The following IFRD1 variants were observed in gnomAD, a reference collection of about 807,000 sequenced individuals.
IFRD1 encodes interferon related developmental regulator 1.
In IFRD1, 35 loss-of-function variants were observed where a neutral mutation model predicts 52.9. The ratio of observed to expected loss-of-function variants is 0.66; its 90% CI spans 0.51 to 0.88. IFRD1 has a LOEUF of 0.88. Ranked by LOEUF, IFRD1 falls within the 40% of genes least tolerant of loss-of-function variation. The pLI, the probability that IFRD1 is intolerant of heterozygous loss-of-function variation, is 0.00. For synonymous variants in IFRD1, 184 were observed against 188.4 expected (o/e 0.98, Z 0.19); for missense variants, 517 against 550.8 (o/e 0.94, Z 0.61).
chr7:112,456,218 A>G, intron 3 of IFRD1, 132 bp downstream of exon 3: 1 of 712,194 alleles, frequency 1.4e-6, no homozygotes. Context: ...CTCTCAGATA[A>G]TAGCAATATA....
chr7:112,475,194 G>A (rs377177355), intron 11 of IFRD1, among the ~76,000 whole-genome samples: 3 of 152,098 alleles, frequency 2.0e-5, no homozygotes, highest in Admixed American at 6.5e-5. Context: ...TCCTGACCTC[G>A]TGATTCGCCC....
chr7:112,462,716 C>T (rs960180692), intron 8 of IFRD1, among the ~76,000 whole-genome samples: 6 of 152,234 alleles, frequency 3.9e-5, no homozygotes, highest in East Asian at 3.9e-4. Context: ...CTAATGAAGG[C>T]ATGTGATGCT....
chr7:112,474,942 A>G (rs897867961), intron 11 of IFRD1, among the ~76,000 whole-genome samples: 1 of 151,030 alleles, frequency 6.6e-6, no homozygotes, highest in African/African-American at 2.4e-5. Context: ...CTTAATATGG[A>G]ATAGCCATTA....
At chr7:112,451,870 T>G (rs1795175035) in intron 1 of IFRD1, among the ~76,000 whole-genome samples, 1 of 152,198 alleles carries the variant, frequency 6.6e-6, no homozygotes, top group Admixed American at 6.5e-5. Flanking sequence ...CTGCCACGGC[T>G]GCCACTCAGA....
At chr7:112,432,994 C>A (rs1451300198) in intron 1 of IFRD1, among the ~76,000 whole-genome samples, 1 of 152,134 alleles carries the variant, frequency 6.6e-6, no homozygotes, top group Admixed American at 6.5e-5. Flanking sequence ...CCATTATATA[C>A]AATTTATTGA....
intron 1 of IFRD1, among the ~76,000 whole-genome samples, chr7:112,429,447 G>C (rs1196213770): frequency 6.6e-6 from 1 of 152,128 alleles, no homozygotes; most frequent in Non-Finnish European, 1.5e-5. Context: ...CCAATATTTG[G>C]AACACAGCAT....
chr7:112,452,108 TA>T, intron 1 of IFRD1: 2 of 983,580 alleles, frequency 2.0e-6, no homozygotes, highest in Non-Finnish European at 2.4e-6. Context: ...AGATGTAAAA[TA>T]TGTAATTTAT....
chr7:112,444,385 A>T (rs1418797571), intron 1 of IFRD1, among the ~76,000 whole-genome samples: 1 of 152,254 alleles, frequency 6.6e-6, no homozygotes, highest in African/African-American at 2.4e-5. Flanking sequence ...AGTTCTAACT[A>T]AATTTGCCCG....
At chr7:112,452,008 G>A (rs145523733) in intron 1 of IFRD1, 10,135 of 982,880 alleles carry the variant, frequency 0.01, 62 homozygotes, top group Non-Finnish European at 0.012. Context: ...TGACCATAGG[G>A]AGGGATTCTT....
chr7:112,469,081 C>T (rs1202022280), intron 9 of IFRD1, among the ~76,000 whole-genome samples: 1 of 151,982 alleles, frequency 6.6e-6, no homozygotes, highest in Non-Finnish European at 1.5e-5. Flanking sequence ...TTTGGTAGGC[C>T]AGGTAAATAT....
chr7:112,463,778 G>C (rs891196462), intron 8 of IFRD1, among the ~76,000 whole-genome samples: 42 of 148,248 alleles, frequency 2.8e-4, no homozygotes, highest in African/African-American at 8.7e-4. Flanking sequence ...TGTTGAATTT[G>C]TTTAAGTTTG....
At chr7:112,446,226 G>T (rs1795028510), upstream of IFRD1, 2 of 196,442 alleles carry the variant, frequency 1.0e-5, no homozygotes, top group East Asian at 1.3e-4. Flanking sequence ...TGTCAAAGTG[G>T]CTGGCCATAA....
chr7:112,439,120 T>C lies in IFRD1; in HGVS notation c.-181-11388T>C, dbSNP rs369846839. ...CCCAAAAAGCAGTCATACACAATAA[T>C]AGTGGGCATAGAAGGAAGGAAATTC... On this transcript the variant is annotated intron_variant, in intron 1 of 12. Coordinates refer to the IFRD1 transcript ENST00000005558. Among the ~76,000 whole-genome samples the C allele has an allele frequency of 1.2e-4, 19 of 152,222 alleles. No homozygotes were observed. The East Asian group carries it at 1.4e-3, about 11-fold the overall frequency.
chr7:112,464,166 A>C (rs1030634851), intron 8 of IFRD1, among the ~76,000 whole-genome samples: 2 of 151,904 alleles, frequency 1.3e-5, no homozygotes, highest in African/African-American at 4.8e-5. Context: ...GGGTTCATAC[A>C]GCAAATGAGT....
upstream of IFRD1, among the ~76,000 whole-genome samples, chr7:112,445,871 C>T (rs76628046): frequency 0.032 from 4,816 of 151,694 alleles, 241 homozygotes; most frequent in African/African-American, 0.11. Context: ...GGAAAACAGA[C>T]AAGTAATCAA....
At chr7:112,467,459 C>T (rs76458282) in intron 8 of IFRD1, 2,298 of 163,674 alleles carry the variant, frequency 0.014, 60 homozygotes, top group African/African-American at 0.051. Context: ...AGCTGTCCCC[C>T]AAAAGGGATT....
chr7:112,475,303 A>G (rs1795871644), intron 11 of IFRD1, 127 bp from the exon 12 acceptor site: 3 of 661,396 alleles, frequency 4.5e-6, no homozygotes, highest in Non-Finnish European at 8.0e-6. Context: ...TGTGTGTTTT[A>G]TAAACATTTA....
chr7:112,468,568 TG>T (rs1488176129), intron 9 of IFRD1, among the ~76,000 whole-genome samples: 1 of 152,176 alleles, frequency 6.6e-6, no homozygotes, highest in Non-Finnish European at 1.5e-5. Context: ...GGCACGATCT[TG>T]GCTCACTGCA....
chr7:112,473,583 C>T (rs1318921098), intron 11 of IFRD1, among the ~76,000 whole-genome samples: 1 of 151,960 alleles, frequency 6.6e-6, no homozygotes, highest in Non-Finnish European at 1.5e-5. Context: ...CATTACCACA[C>T]CTGGCTAGTT....
Sources: allele counts gnomAD v4.1 joint callset (sites outside exome capture counted in the v4.1 genomes callset), GRCh38; gene constraint gnomAD v4.1.1; transcripts MANE v1.5; gene names NCBI Gene and HGNC (gene_info 2026-07-23, HGNC 2026-07-21).